ANO1: variants seen among roughly 807,000 people sequenced by gnomAD.
The protein encoded by ANO1 is anoctamin 1.
ANO1 carries 59 observed loss-of-function variants against 124.0 expected under a neutral mutation model. The ratio of observed to expected loss-of-function variants is 0.48; its 90% CI spans 0.39 to 0.59. The LOEUF (loss-of-function observed/expected upper bound fraction) is 0.59, where lower values mean the gene tolerates loss of function less well. Ranked by LOEUF, ANO1 falls within the 20% of genes least tolerant of loss-of-function variation. The pLI is 0.00. For synonymous variants in ANO1, 529 were observed against 532.0 expected, an observed-to-expected ratio of 0.99 and a Z score of 0.08; for missense variants, 1,059 against 1,328.0, an observed-to-expected ratio of 0.80 and a Z score of 3.15.
At chr11:70,114,827 AG>A (rs2045915710) in intron 7 of ANO1, among the ~76,000 whole-genome samples, 1 of 152,174 alleles carries the variant, frequency 6.6e-6, no homozygotes, top group African/African-American at 2.4e-5. Context: ...TGAACTCGGG[AG>A]GCGGATAACA....
At chr11:70,141,502 T>C (rs2047152902) in intron 11 of ANO1, 1 of 152,244 alleles carries the variant, frequency 6.6e-6, no homozygotes. Context: ...AAGTTCCGTC[T>C]GCACGCTCCC....
intron 1 of ANO1, among the ~76,000 whole-genome samples, chr11:70,086,656 G>C (rs916775493): frequency 4.6e-5 from 7 of 152,222 alleles, no homozygotes; most frequent in Non-Finnish European, 5.9e-5. Context: ...CCAAGAAAGG[G>C]CCAGAGCGGG....
Position 70,157,143 on chromosome 11 carries a change from G to A in ANO1, c.1578+122G>A, listed in dbSNP as rs2047848378. On this transcript the variant is annotated intron_variant, in intron 16 of 25. Coordinates refer to ENST00000355303, the MANE Select transcript of ANO1 (RefSeq NM_018043.7). ...GCACTTTGGGAGGCCGAGGCGGGCA[G>A]ATCACTTGAGGTCAGGAGTTCGAGA... 25 of 808,624 alleles carry A rather than the reference G, an allele frequency of 3.1e-5. 1 individual carries two copies. The East Asian group carries it at 7.4e-4, about 24-fold the overall frequency. 50.1% of individuals were successfully genotyped at this position (808,624 alleles called of 1,614,324 possible).
chr11:70,135,854 G>A (rs985051698), intron 11 of ANO1, among the ~76,000 whole-genome samples: 5 of 152,192 alleles, frequency 3.3e-5, no homozygotes, highest in African/African-American at 7.2e-5. Context: ...CGCCTGTTGC[G>A]GCTCTTGTTT....
intron 10 of ANO1, among the ~76,000 whole-genome samples, chr11:70,127,903 T>C (rs2046587169): frequency 6.6e-6 from 1 of 152,216 alleles, no homozygotes; most frequent in East Asian, 1.9e-4. Flanking sequence ...TAAAGGGGAA[T>C]TTGGGCTGAC....
intron 24 of ANO1, among the ~76,000 whole-genome samples, chr11:70,184,841 G>A (rs1482650254): frequency 1.3e-5 from 2 of 152,050 alleles, no homozygotes; most frequent in Admixed American, 6.5e-5. Flanking sequence ...CAACCTCCCG[G>A]GCTCAGGTGA....
chr11:70,092,529 A>G (rs999913186), intron 2 of ANO1, among the ~76,000 whole-genome samples: 1 of 152,194 alleles, frequency 6.6e-6, no homozygotes, highest in Non-Finnish European at 1.5e-5. Context: ...TGCAGGACCC[A>G]GGATGCACAC....
intron 1 of ANO1, among the ~76,000 whole-genome samples, chr11:70,049,582 A>T (rs78775337): frequency 0.23 from 35,283 of 152,032 alleles, 4,314 homozygotes; most frequent in East Asian, 0.46. Context: ...TGGAGGATAA[A>T]TGCTAAAAGG....
chr11:70,058,647 T>C (rs1857495132), intron 1 of ANO1, among the ~76,000 whole-genome samples: 1 of 152,102 alleles, frequency 6.6e-6, no homozygotes, highest in South Asian at 2.1e-4. Context: ...CACATCCATA[T>C]AAAAGTTCAA....
intron 11 of ANO1, among the ~76,000 whole-genome samples, chr11:70,132,907 A>G (rs576663638): frequency 5.9e-5 from 9 of 152,114 alleles, no homozygotes; most frequent in African/African-American, 2.2e-4. Context: ...CCCACCTTGT[A>G]GGAGATGGGG....
intron 1 of ANO1, among the ~76,000 whole-genome samples, chr11:70,025,889 GGTGA>G (rs1555003142): frequency 1.5e-5 from 2 of 129,162 alleles, no homozygotes; most frequent in South Asian, 5.3e-4. Flanking sequence ...TGGTGATGAT[GGTGA>G]TGATGATGAT....
chr11:70,122,789 CCCT>C lies in ANO1; in HGVS notation c.898-1553_898-1551del, dbSNP rs1327105253. On this transcript the variant is annotated intron_variant, in intron 8 of 25. Coordinates refer to ENST00000355303, the MANE Select transcript of ANO1 (RefSeq NM_018043.7). ...CCCTCTGTCTCTCTGTCTCCTCCTT[CCCT>C]CCTCCTCACTCTCTGCCGCATCTTC... 2.0e-5 allele frequency among the ~76,000 whole-genome samples: 3 copies of C among 152,134 alleles called. No individual in the cohort carries two copies. In the East Asian group the frequency reaches 5.8e-4, roughly 29 times the overall value.
intron 1 of ANO1, among the ~76,000 whole-genome samples, chr11:70,059,750 T>C (rs930436733): frequency 9.2e-5 from 14 of 151,984 alleles, no homozygotes; most frequent in African/African-American, 3.4e-4. Context: ...GAAGTGATCA[T>C]GAAGGAAAGA....
At chr11:70,139,120 T>C (rs887677346) in intron 11 of ANO1, among the ~76,000 whole-genome samples, 1 of 152,234 alleles carries the variant, frequency 6.6e-6, no homozygotes, top group African/African-American at 2.4e-5. Flanking sequence ...CTTCTTTTTA[T>C]GACTGCGTAG....
At chr11:70,050,535 G>T (rs1857336702) in intron 1 of ANO1, among the ~76,000 whole-genome samples, 1 of 152,054 alleles carries the variant, frequency 6.6e-6, no homozygotes, top group African/African-American at 2.4e-5. Flanking sequence ...TCCTTGTTGA[G>T]CTTGGTCCCA....
chr11:70,027,270 C>T (rs1222940714), intron 1 of ANO1, among the ~76,000 whole-genome samples: 1 of 152,138 alleles, frequency 6.6e-6, no homozygotes, highest in Non-Finnish European at 1.5e-5. Context: ...CTAGCTTAGC[C>T]CAGCCCACCT....
At chr11:70,084,566 C>G (rs1036621995) in intron 1 of ANO1, among the ~76,000 whole-genome samples, 7 of 152,146 alleles carry the variant, frequency 4.6e-5, no homozygotes, top group Admixed American at 1.3e-4. Context: ...GAGCCTCCCC[C>G]AGGCCTTGCA....
chr11:70,095,283 G>GGAAGGAAGGAAAGAAA (rs1555017312), intron 2 of ANO1, among the ~76,000 whole-genome samples: 2 of 84,098 alleles, frequency 2.4e-5, no homozygotes, highest in Non-Finnish European at 4.7e-5. Flanking sequence ...AAGGAAGGAA[G>GGAAGGAAGGAAAGAAA]GAAGGAAGGA....
At chr11:70,124,698 T>G (rs2515260) in intron 9 of ANO1, among the ~76,000 whole-genome samples, 126,336 of 152,026 alleles carry the variant, frequency 0.83, 52,656 homozygotes, top group Middle Eastern at 0.91. Context: ...GGCGGGAGGG[T>G]TTTCCGGATT....
Sources: gnomAD v4.1 joint callset for allele counts (sites outside exome capture counted in the v4.1 genomes callset) on GRCh38, gnomAD v4.1.1 for gene constraint, MANE v1.5 for transcripts, NCBI Gene and HGNC (gene_info 2026-07-23, HGNC 2026-07-21) for gene names.